The following SGMS1 variants were observed in gnomAD, a reference collection of about 807,000 sequenced individuals.
SGMS1 encodes the protein phosphatidylcholine:ceramide cholinephosphotransferase 1.
A neutral mutation model predicts 46.2 loss-of-function variants in SGMS1; 13 were observed. That is an observed-to-expected ratio of 0.28 (90% CI 0.18 to 0.45). The LOEUF (loss-of-function observed/expected upper bound fraction) is 0.45. Ranked by LOEUF, SGMS1 falls within the 20% of genes least tolerant of loss-of-function variation. SGMS1 has a pLI of 1.00. For synonymous variants in SGMS1, 203 were observed against 187.8 expected (o/e 1.08, Z -0.66); for missense variants, 324 against 519.9 (o/e 0.62, Z 3.66).
intron 5 of SGMS1, among the ~76,000 whole-genome samples, chr10:50,446,308 C>T (rs12569909): frequency 0.084 from 12,824 of 152,074 alleles, 1,300 homozygotes; most frequent in East Asian, 0.38. Context: ...GCTTGCTGGG[C>T]ATCACAGAAC....
chr10:50,396,893 T>C (rs1248494101), intron 6 of SGMS1, among the ~76,000 whole-genome samples: 9 of 152,116 alleles, frequency 5.9e-5, no homozygotes, highest in African/African-American at 2.2e-4. Flanking sequence ...AGTGTTCTGT[T>C]AAAAAGAAAG....
intron 1 of SGMS1, among the ~76,000 whole-genome samples, chr10:50,620,425 C>A (rs1838838549): frequency 6.6e-6 from 1 of 152,190 alleles, no homozygotes; most frequent in Non-Finnish European, 1.5e-5. Flanking sequence ...AAGGCATAGC[C>A]ATCTATAACA....
chr10:50,354,708 T>C (rs554121883), intron 6 of SGMS1, among the ~76,000 whole-genome samples: 26 of 152,270 alleles, frequency 1.7e-4, no homozygotes, highest in Non-Finnish European at 2.9e-4. Context: ...AAAGGGCTAA[T>C]ATCCAGAATC....
In SGMS1 at chr10:50,488,028, T is replaced by G. The variant is rs139875182; in HGVS notation, c.-497-21096A>C. Among the ~76,000 whole-genome samples the G allele has an allele frequency of 1.4e-3, 195 of 137,406 alleles. 1 individual carries two copies. The highest frequency in any genetic ancestry group is 4.6e-3 in the African/African-American group (179 of 38,784). The allele number at this position is 137,406 out of a possible 152,430, so 90.1% of individuals were successfully genotyped here. On this transcript the variant is annotated intron_variant, in intron 3 of 10. Coordinates refer to ENST00000361781, the MANE Select transcript of SGMS1 (RefSeq NM_147156.4). ...TTATTTATTTATTTATTTATTTATT[T>G]ATTGAGACTGAGTCTCACTCTATTG...
chr10:50,617,776 G>A (rs1212567695), intron 1 of SGMS1, among the ~76,000 whole-genome samples: 1 of 151,712 alleles, frequency 6.6e-6, no homozygotes, highest in African/African-American at 2.4e-5. Context: ...GTTTTGACCA[G>A]GCTGTTCTCT....
intron 2 of SGMS1, among the ~76,000 whole-genome samples, chr10:50,569,037 C>G (rs1838314788): frequency 6.6e-6 from 1 of 151,868 alleles, no homozygotes; most frequent in African/African-American, 2.4e-5. Flanking sequence ...TCTCAGCAAA[C>G]TAACACAGGA....
intron 5 of SGMS1, among the ~76,000 whole-genome samples, chr10:50,448,895 C>A (rs1253243179): frequency 6.6e-6 from 1 of 151,936 alleles, no homozygotes; most frequent in Non-Finnish European, 1.5e-5. Flanking sequence ...TAAAAATGGG[C>A]TGAAGACCTT....
chr10:50,381,198 C>T, intron 6 of SGMS1, among the ~76,000 whole-genome samples: 1 of 150,924 alleles, frequency 6.6e-6, no homozygotes, highest in East Asian at 1.9e-4. Context: ...AAATATATAA[C>T]CAGGAATTTA....
At chr10:50,340,937 T>C (rs767735901) in intron 7 of SGMS1, among the ~76,000 whole-genome samples, 40 of 152,120 alleles carry the variant, frequency 2.6e-4, no homozygotes, top group Non-Finnish European at 2.2e-4. Flanking sequence ...AAAATCAAAG[T>C]AAAAATATTC....
At chr10:50,502,679 G>A (rs898634318) in intron 3 of SGMS1, among the ~76,000 whole-genome samples, 1 of 152,138 alleles carries the variant, frequency 6.6e-6, no homozygotes, top group Non-Finnish European at 1.5e-5. Flanking sequence ...AGAAGAAGAA[G>A]AAATACTTTC....
chr10:50,387,051 G>A (rs141004929), intron 6 of SGMS1, among the ~76,000 whole-genome samples: 4 of 152,262 alleles, frequency 2.6e-5, no homozygotes, highest in African/African-American at 4.8e-5. Context: ...CATGTTGAGC[G>A]GAGGAGTCCC....
chr10:50,392,688 AG>A (rs995317417), intron 6 of SGMS1, among the ~76,000 whole-genome samples: 2 of 152,198 alleles, frequency 1.3e-5, no homozygotes, highest in Non-Finnish European at 2.9e-5. Context: ...AACAGACAAA[AG>A]GTAAATAATT....
chr10:50,592,952 C>T (rs963393299), intron 1 of SGMS1, among the ~76,000 whole-genome samples: 4 of 119,800 alleles, frequency 3.3e-5, no homozygotes, highest in Admixed American at 7.9e-5. Flanking sequence ...AGTATTCATG[C>T]GCTTGTATAG....
intron 6 of SGMS1, among the ~76,000 whole-genome samples, chr10:50,381,304 G>GT (rs2084385507): frequency 6.6e-6 from 1 of 150,848 alleles, no homozygotes; most frequent in Admixed American, 6.6e-5. Context: ...AAAAAAATCC[G>GT]TAACATTCTG....
At chr10:50,594,898 C>A (rs1345045017) in intron 1 of SGMS1, among the ~76,000 whole-genome samples, 1 of 152,186 alleles carries the variant, frequency 6.6e-6, no homozygotes, top group Admixed American at 6.5e-5. Flanking sequence ...ATCATTTATC[C>A]CGACAAGGTA....
intron 6 of SGMS1, among the ~76,000 whole-genome samples, chr10:50,386,343 C>G (rs1848681747): frequency 6.6e-6 from 1 of 152,158 alleles, no homozygotes; most frequent in Admixed American, 6.5e-5. Context: ...TGCATTACTT[C>G]ATATAGCTTA....
intron 6 of SGMS1, among the ~76,000 whole-genome samples, chr10:50,349,507 A>G (rs1017776143): frequency 1.4e-4 from 21 of 151,984 alleles, no homozygotes; most frequent in Non-Finnish European, 1.5e-5. Flanking sequence ...CCTCTGGGAA[A>G]TAGGATTAAC....
At chr10:50,615,347 A>C (rs1160099348) in intron 1 of SGMS1, among the ~76,000 whole-genome samples, 1 of 152,242 alleles carries the variant, frequency 6.6e-6, no homozygotes, top group Admixed American at 6.5e-5. Flanking sequence ...AGTTGTCATA[A>C]TAACAGCTAA....
intron 3 of SGMS1, among the ~76,000 whole-genome samples, chr10:50,495,374 A>C (rs1217825026): frequency 6.6e-6 from 1 of 151,998 alleles, no homozygotes; most frequent in Non-Finnish European, 1.5e-5. Flanking sequence ...ATTTTAGGAG[A>C]AAATGTTTAA....
Sources: allele counts gnomAD v4.1 joint callset (sites outside exome capture counted in the v4.1 genomes callset), GRCh38; gene constraint gnomAD v4.1.1; transcripts MANE v1.5; gene names NCBI Gene and HGNC (gene_info 2026-07-23, HGNC 2026-07-21).